The following LRBA variants were observed in gnomAD, a reference collection of about 807,000 sequenced individuals.
The protein encoded by LRBA is LPS responsive beige-like anchor protein, also known as lipopolysaccharide-responsive and beige-like anchor protein.
In LRBA, 176 loss-of-function variants were observed where a neutral mutation model predicts 330.0. The ratio of observed to expected loss-of-function variants is 0.53; its 90% CI spans 0.47 to 0.60. The LOEUF (loss-of-function observed/expected upper bound fraction) is 0.60, where lower values mean the gene tolerates loss of function less well. Among genes scored for constraint, LRBA ranks in the 20% least tolerant of loss-of-function variants. LRBA has a pLI of 0.00. For missense variants in LRBA, 3,259 were observed against 3,444.8 expected (o/e 0.95, Z 1.35); for synonymous variants, 1,230 against 1,193.0 (o/e 1.03, Z -0.64).
At chr4:150,673,727 T>C (rs1235203129) in intron 37 of LRBA, among the ~76,000 whole-genome samples, 1 of 152,214 alleles carries the variant, frequency 6.6e-6, no homozygotes, top group Non-Finnish European at 1.5e-5. Context: ...TGTTTTCTTA[T>C]ATAATCACAA....
intron 36 of LRBA, among the ~76,000 whole-genome samples, chr4:150,713,136 A>G (rs1786402719): frequency 2.0e-5 from 3 of 152,070 alleles, no homozygotes; most frequent in African/African-American, 7.2e-5. Flanking sequence ...GGGTCTTGCT[A>G]TATTACTCAT....
chr4:150,442,369 A>G (rs1751956509), intron 44 of LRBA, among the ~76,000 whole-genome samples: 1 of 152,198 alleles, frequency 6.6e-6, no homozygotes, highest in Non-Finnish European at 1.5e-5. Context: ...TTTTATCAAG[A>G]TACATTCTGT....
chr4:150,443,493 T>C (rs1752111384), intron 44 of LRBA, among the ~76,000 whole-genome samples: 1 of 152,144 alleles, frequency 6.6e-6, no homozygotes, highest in Non-Finnish European at 1.5e-5. Context: ...GTGGCATATA[T>C]ACACCATGGA....
chr4:150,295,465 AG>A (rs1404128337), intron 53 of LRBA, among the ~76,000 whole-genome samples: 1 of 152,102 alleles, frequency 6.6e-6, no homozygotes, highest in Non-Finnish European at 1.5e-5. Flanking sequence ...CCAAAATGCT[AG>A]GATTATAGGC....
chr4:150,298,090 A>G (rs1729187819), intron 53 of LRBA, among the ~76,000 whole-genome samples: 1 of 152,168 alleles, frequency 6.6e-6, no homozygotes, highest in African/African-American at 2.4e-5. Flanking sequence ...ACTTACAGAG[A>G]GTAATATTGT....
intron 36 of LRBA, among the ~76,000 whole-genome samples, chr4:150,697,035 A>C (rs1033109318): frequency 6.7e-6 from 1 of 148,312 alleles, no homozygotes; most frequent in African/African-American, 2.5e-5. Context: ...AGAAAAAAGA[A>C]AAAAAAAAAG....
At chr4:150,577,201 A>C (rs1770654478) in intron 40 of LRBA, among the ~76,000 whole-genome samples, 1 of 152,004 alleles carries the variant, frequency 6.6e-6, no homozygotes, top group African/African-American at 2.4e-5. Context: ...TAATGTGGAC[A>C]GTATAATCTT....
Position 150,487,891 on chromosome 4 carries a change from T to A in LRBA, c.6449-57A>T, listed in dbSNP as rs570491257. ...CAGTATAACTTCCTTTCTGGAAAACTGACTCCTTGGTCCAATAAAATATTT... is the reference window on the plus strand; with the variant it reads ...CAGTATAACTTCCTTTCTGGAAAACAGACTCCTTGGTCCAATAAAATATTT... On this transcript the variant is annotated intron_variant, in intron 41 of 56. Transcript: ENST00000651943. The A allele has an allele frequency of 4.5e-6, 4 of 879,786 alleles. No homozygotes were observed. In the South Asian group the frequency reaches 7.0e-5, roughly 15 times the overall value. The allele number at this position is 879,786 out of a possible 1,614,324, so 54.5% of individuals were successfully genotyped here.
intron 36 of LRBA, among the ~76,000 whole-genome samples, chr4:150,693,277 G>C (rs554717503): frequency 2.6e-5 from 4 of 152,258 alleles, no homozygotes; most frequent in African/African-American, 9.6e-5. Flanking sequence ...CAAAAATTGG[G>C]CAAGGGCCGG....
At chr4:150,425,178 A>T (rs564233065) in intron 46 of LRBA, among the ~76,000 whole-genome samples, 2 of 152,340 alleles carry the variant, frequency 1.3e-5, no homozygotes, top group South Asian at 4.1e-4. Context: ...GTCAAAGATT[A>T]TGCCTTTCTA....
intron 35 of LRBA, among the ~76,000 whole-genome samples, chr4:150,759,684 T>C (rs545468209): frequency 6.6e-6 from 1 of 152,184 alleles, no homozygotes; most frequent in Non-Finnish European, 1.5e-5. Context: ...TTTTTTTTTA[T>C]TGTTTATAAT....
chr4:150,559,691 A>T lies in LRBA; in HGVS notation c.6330+28357T>A, dbSNP rs867746792. Among the ~76,000 whole-genome samples, 493 of 89,960 alleles carry T rather than the reference A, an allele frequency of 5.5e-3. 5 individuals are homozygous for T. Among genetic ancestry groups the T allele is most frequent in the African/African-American group, 0.02 (421 of 21,374 alleles). The allele number at this position is 89,960 out of a possible 152,430, so 59.0% of individuals were successfully genotyped here. On this transcript the variant is annotated intron_variant, in intron 40 of 56. Coordinates refer to ENST00000651943, the MANE Select transcript of LRBA (RefSeq NM_001364905.1). ...TATATATTATATAATATATTATATTATATATTATATATTATATAATATTAT... is the reference window on the plus strand; with the variant it reads ...TATATATTATATAATATATTATATTTTATATTATATATTATATAATATTAT...
intron 13 of LRBA, among the ~76,000 whole-genome samples, chr4:150,902,413 G>A (rs978006104): frequency 1.3e-5 from 2 of 152,072 alleles, no homozygotes; most frequent in African/African-American, 2.4e-5. Context: ...AGTGAGGCAG[G>A]AGAATAGGGT....
At chr4:150,280,942 A>G (rs1747421197) in intron 55 of LRBA, among the ~76,000 whole-genome samples, 1 of 152,238 alleles carries the variant, frequency 6.6e-6, no homozygotes, top group Non-Finnish European at 1.5e-5. Context: ...GAAAAAGGCA[A>G]TGGATTGTTT....
chr4:150,924,049 C>T (rs1211139), intron 4 of LRBA, among the ~76,000 whole-genome samples: 146,052 of 152,272 alleles, frequency 0.96, 70,328 homozygotes, highest in Non-Finnish European at 1. Context: ...AAAAATAACT[C>T]TGCAGTTAAA....
At chr4:150,820,583 A>C (rs1395208403) in intron 30 of LRBA, among the ~76,000 whole-genome samples, 1 of 152,042 alleles carries the variant, frequency 6.6e-6, no homozygotes, top group African/African-American at 2.4e-5. Context: ...AGAGAAATAA[A>C]ATCAATTTCC....
At chr4:150,917,642 A>G (rs1189190562) in intron 5 of LRBA, among the ~76,000 whole-genome samples, 1 of 152,154 alleles carries the variant, frequency 6.6e-6, no homozygotes, top group Non-Finnish European at 1.5e-5. Context: ...TTTAAAAAGA[A>G]CAGGCCAGAT....
intron 37 of LRBA, among the ~76,000 whole-genome samples, chr4:150,682,298 T>C (rs1033012665): frequency 1.3e-5 from 2 of 152,158 alleles, no homozygotes; most frequent in South Asian, 2.1e-4. Context: ...CATGGGCTTT[T>C]AGATGTTGCA....
chr4:150,600,049 T>A (rs766334849), intron 37 of LRBA, among the ~76,000 whole-genome samples: 1 of 152,110 alleles, frequency 6.6e-6, no homozygotes, highest in Non-Finnish European at 1.5e-5. Flanking sequence ...TGGCAATATA[T>A]AAATGTCAGC....
Sources: allele counts gnomAD v4.1 joint callset (sites outside exome capture counted in the v4.1 genomes callset), GRCh38; gene constraint gnomAD v4.1.1; transcripts MANE v1.5; gene names NCBI Gene and HGNC (gene_info 2026-07-23, HGNC 2026-07-21).